Variants in LDLRAD3 observed in about 807,000 individuals in gnomAD.
LDLRAD3 encodes low-density lipoprotein receptor class A domain-containing protein 3.
LDLRAD3 carries 20 observed loss-of-function variants against 29.4 expected under a neutral mutation model. The observed-to-expected ratio is 0.68, with a 90% CI of 0.48 to 0.99. The LOEUF (loss-of-function observed/expected upper bound fraction) is 0.99, where lower values mean the gene tolerates loss of function less well. Among genes scored for constraint, LDLRAD3 ranks in the 50% least tolerant of loss-of-function variants. The pLI is 0.00. For synonymous variants in LDLRAD3, 157 were observed against 192.7 expected, an observed-to-expected ratio of 0.81 and a Z score of 1.53; for missense variants, 420 against 454.3, an observed-to-expected ratio of 0.92 and a Z score of 0.69.
At position 36,174,764 on chromosome 11, in the gene LDLRAD3, G is replaced by A. The variant is rs557556596; in HGVS notation, c.455-52321G>A. ...TGGGAGGCTGAGGCAGGCGGATCACGAGGTCAGGAGATCGAGACCATCCTG... is the reference window on the plus strand; with the variant it reads ...TGGGAGGCTGAGGCAGGCGGATCACAAGGTCAGGAGATCGAGACCATCCTG... On this transcript the variant is annotated intron_variant, in intron 4 of 5. Transcript: ENST00000315571. 9.9e-5 allele frequency among the ~76,000 whole-genome samples: 15 copies of A among 152,218 alleles called. No individual in the cohort carries two copies. In the South Asian group the frequency reaches 2.7e-3, roughly 27 times the overall value.
chr11:36,197,969 C>T (rs1855060199), intron 4 of LDLRAD3: 2 of 152,040 alleles, frequency 1.3e-5, no homozygotes, highest in African/African-American at 4.8e-5. Context: ...GAGGATTGCT[C>T]CATCCCAGAA....
chr11:36,016,771 C>T (rs957910574), intron 1 of LDLRAD3, among the ~76,000 whole-genome samples: 2 of 152,172 alleles, frequency 1.3e-5, no homozygotes, highest in African/African-American at 4.8e-5. Context: ...GATGAACAAA[C>T]ATGGGATTCT....
At chr11:36,030,959 T>C (rs1327712214) in intron 1 of LDLRAD3, among the ~76,000 whole-genome samples, 2 of 152,130 alleles carry the variant, frequency 1.3e-5, no homozygotes, top group Non-Finnish European at 2.9e-5. Context: ...GCTGTCTGAG[T>C]TTTTGTAGTT....
chr11:36,045,886 T>C (rs557835497), intron 2 of LDLRAD3, among the ~76,000 whole-genome samples: 2 of 152,256 alleles, frequency 1.3e-5, no homozygotes, highest in South Asian at 4.2e-4. Context: ...CATGGTGGTT[T>C]GCTGCACCCA....
At chr11:36,020,113 A>G (rs1852076919) in intron 1 of LDLRAD3, among the ~76,000 whole-genome samples, 1 of 152,150 alleles carries the variant, frequency 6.6e-6, no homozygotes, top group African/African-American at 2.4e-5. Context: ...TTTACCTGCC[A>G]AAGTTGCAGT....
At chr11:36,071,656 A>T (rs1401090135) in intron 2 of LDLRAD3, among the ~76,000 whole-genome samples, 3 of 152,354 alleles carry the variant, frequency 2.0e-5, no homozygotes, top group Middle Eastern at 3.4e-3. Context: ...GTAAAATTGC[A>T]TGCTCGGATT....
At chr11:36,173,991 G>A (rs1854635701) in intron 4 of LDLRAD3, among the ~76,000 whole-genome samples, 2 of 152,182 alleles carry the variant, frequency 1.3e-5, no homozygotes, top group African/African-American at 4.8e-5. Flanking sequence ...AACCAAAACA[G>A]CATGATACTG....
At chr11:36,170,958 T>C (rs1484215205) in intron 4 of LDLRAD3, among the ~76,000 whole-genome samples, 1 of 152,074 alleles carries the variant, frequency 6.6e-6, no homozygotes, top group Non-Finnish European at 1.5e-5. Flanking sequence ...CATGCCACCA[T>C]GCCCAGCTAA....
intron 4 of LDLRAD3, among the ~76,000 whole-genome samples, chr11:36,214,082 T>C (rs1013997066): frequency 6.6e-6 from 1 of 152,228 alleles, no homozygotes; most frequent in African/African-American, 2.4e-5. Context: ...TTCAGTTGCC[T>C]CTTTTAAACC....
chr11:35,990,892 A>G (rs1851680921), intron 1 of LDLRAD3, among the ~76,000 whole-genome samples: 1 of 152,364 alleles, frequency 6.6e-6, no homozygotes. Context: ...ATTGGAGGTT[A>G]GGCTTTGAAC....
chr11:36,145,571 A>G (rs1201892709), intron 4 of LDLRAD3, among the ~76,000 whole-genome samples: 1 of 151,574 alleles, frequency 6.6e-6, no homozygotes, highest in Non-Finnish European at 1.5e-5. Flanking sequence ...AAAGGGGGGA[A>G]AAGTGGGGAA....
Position 36,092,262 on chromosome 11 carries a change from C to G in LDLRAD3, c.320-6065C>G, listed in dbSNP as rs1438339585. 3.9e-5 allele frequency among the ~76,000 whole-genome samples: 6 copies of G among 152,096 alleles called. No individual in the cohort carries two copies. In the East Asian group the frequency reaches 1.2e-3, roughly 29 times the overall value. On this transcript the variant is annotated intron_variant, in intron 3 of 5. Transcript: ENST00000315571. ...CCTTCTAGTCTCTTTTTGAACTATTCTAGGCTGTTGTGCTTTTGGAATTCT... is the reference window on the plus strand; with the variant it reads ...CCTTCTAGTCTCTTTTTGAACTATTGTAGGCTGTTGTGCTTTTGGAATTCT...
rs199691555 is a variant in LDLRAD3, at chr11:35,946,458, AT to A, written c.46+2321del. On this transcript the variant is annotated intron_variant, in intron 1 of 5. Transcript: ENST00000315571. ...AGGAACCTTCTCAGACACCTTGCAT[AT>A]TTTTTTCTTCCTTTGTTTTTATTTG... Among the ~76,000 whole-genome samples, 15 of 152,066 alleles carry A rather than the reference AT, an allele frequency of 9.9e-5. No individual in the cohort carries two copies. The East Asian group carries it at 2.9e-3, about 29-fold the overall frequency.
Position 36,004,710 on chromosome 11 carries a change from G to A in LDLRAD3, c.47-31393G>A, listed in dbSNP as rs551770058. Among the ~76,000 whole-genome samples, 3 of 152,320 alleles carry A rather than the reference G, an allele frequency of 2.0e-5. No individual in the cohort carries two copies. In the South Asian group the frequency reaches 6.2e-4, roughly 32 times the overall value. On this transcript the variant is annotated intron_variant, in intron 1 of 5. Coordinates refer to ENST00000315571, the MANE Select transcript of LDLRAD3 (RefSeq NM_174902.4). ...TGCCCTAGTAGAGGTTCTGCATGAG[G>A]GCTCTGCCCCTGCAGCAGACTTCTG...
chr11:36,211,888 A>G (rs1243586969), intron 4 of LDLRAD3, among the ~76,000 whole-genome samples: 1 of 152,188 alleles, frequency 6.6e-6, no homozygotes, highest in Non-Finnish European at 1.5e-5. Context: ...AGTTAGCAGT[A>G]TTCGCTCTGG....
At chr11:36,003,505 T>A (rs1275113728) in intron 1 of LDLRAD3, among the ~76,000 whole-genome samples, 1 of 152,078 alleles carries the variant, frequency 6.6e-6, no homozygotes, top group Non-Finnish European at 1.5e-5. Context: ...CCCTGTGACA[T>A]CCTGTCTCTT....
intron 1 of LDLRAD3, among the ~76,000 whole-genome samples, chr11:35,993,099 G>A (rs2133169229): frequency 6.6e-6 from 1 of 152,274 alleles, no homozygotes; most frequent in East Asian, 1.9e-4. Flanking sequence ...TAAGAAGTGA[G>A]TACAGGGTTA....
intron 4 of LDLRAD3, among the ~76,000 whole-genome samples, chr11:36,121,172 G>C (rs1853750693): frequency 6.6e-6 from 1 of 152,202 alleles, no homozygotes; most frequent in South Asian, 2.1e-4. Context: ...TAAACGACCA[G>C]AGGAGTAATC....
At chr11:36,101,035 T>G (rs548936439) in intron 4 of LDLRAD3, among the ~76,000 whole-genome samples, 4 of 152,320 alleles carry the variant, frequency 2.6e-5, no homozygotes, top group African/African-American at 9.6e-5. Flanking sequence ...AAGTTAGTGG[T>G]GGACACATAC....
Sources: allele counts gnomAD v4.1 joint callset (sites outside exome capture counted in the v4.1 genomes callset), GRCh38; gene constraint gnomAD v4.1.1; transcripts MANE v1.5; gene names NCBI Gene and HGNC (gene_info 2026-07-23, HGNC 2026-07-21).